Variants in PCDHGA4 observed in about 807,000 individuals in gnomAD.
PCDHGA4 encodes the protein protocadherin gamma-A4.
Under a neutral mutation model 54.6 loss-of-function variants are expected in PCDHGA4, and 38 were observed. The observed-to-expected ratio is 0.70, with a 90% CI of 0.54 to 0.91. The LOEUF is 0.91. PCDHGA4 is among the 40% of genes least tolerant of loss of function. The pLI is 0.00. For missense variants in PCDHGA4, 1,298 were observed against 1,220.9 expected, an observed-to-expected ratio of 1.06 and a Z score of -0.94; for synonymous variants, 511 against 512.9, an observed-to-expected ratio of 1.00 and a Z score of 0.05.
intron 1 of PCDHGA4, among the ~76,000 whole-genome samples, chr5:141,494,135 GTCAC>G (rs1365926534): frequency 3.3e-5 from 5 of 152,202 alleles, no homozygotes; most frequent in Admixed American, 6.5e-5. Flanking sequence ...CTTCTCCTTA[GTCAC>G]AGACCATTGT....
intron 1 of PCDHGA4, chr5:141,388,656 G>C (rs747453786): frequency 2.5e-5 from 40 of 1,613,886 alleles, no homozygotes; most frequent in Non-Finnish European, 3.4e-5. Context: ...CGTGTACCCG[G>C]GGACCACGGT....
chr5:141,445,034 A>T (rs963629240), intron 1 of PCDHGA4, among the ~76,000 whole-genome samples: 4 of 152,156 alleles, frequency 2.6e-5, no homozygotes, highest in Admixed American at 2.0e-4. Context: ...GCTATGTTGT[A>T]TAGTTTTCAG....
At chr5:141,507,842 C>CT (rs2099864170) in intron 3 of PCDHGA4, among the ~76,000 whole-genome samples, 1 of 152,230 alleles carries the variant, frequency 6.6e-6, no homozygotes, top group Admixed American at 6.5e-5. Flanking sequence ...GGGTCAGGCC[C>CT]TGCTCTCACT....
intron 2 of PCDHGA4, among the ~76,000 whole-genome samples, chr5:141,498,404 C>T (rs1283586713): frequency 6.6e-6 from 1 of 152,104 alleles, no homozygotes; most frequent in African/African-American, 2.4e-5. Context: ...AGGGAGTTTT[C>T]TCTTTGCTGG....
Position 141,365,610 on chromosome 5 carries a change from A to G in PCDHGA4, c.2514+7989A>G, listed in dbSNP as rs1764018673. 6.8e-6 allele frequency: 11 copies of G among 1,613,570 alleles called. No homozygotes were observed. Among genetic ancestry groups the G allele is most frequent in the African/African-American group, 1.3e-5 (1 of 74,926 alleles). ...AATATCACTTTAACCGTCATGGACC[A>G]TGGAACCCCGCCCCTCTCTACAGAA... On this transcript the variant is annotated intron_variant, in intron 1 of 3. Transcript: ENST00000571252.
At position 141,485,301 on chromosome 5, in the gene PCDHGA4, C is replaced by T; in HGVS notation, c.2515-9506C>T. 1 of 1,614,124 alleles carries T rather than the reference C, an allele frequency of 6.2e-7. No homozygotes were observed. The highest frequency in any genetic ancestry group is 1.1e-5 in the South Asian group (1 of 91,082). The stretch of plus-strand genomic sequence containing the variant: ...GTCCCAGAGGAGTCACAGGAAGGGA[C>T]TTTTGTAGGGAATGTCGCTCAAGAT... On this transcript the variant is annotated intron_variant, in intron 1 of 3. Coordinates refer to ENST00000571252, the MANE Select transcript of PCDHGA4 (RefSeq NM_018917.4). This position sits in a 1 kb window ranked among gnomAD's most constrained non-coding sequence, Gnocchi z 5.7.
Position 141,390,510 on chromosome 5 carries a change from TAA to T in PCDHGA4, c.2514+32891_2514+32892del. The T allele has an allele frequency of 5.1e-6, 3 of 587,534 alleles. No homozygotes were observed. The South Asian group carries it at 6.4e-5, about 13-fold the overall frequency. 36.4% of individuals were successfully genotyped at this position (587,534 alleles called of 1,614,324 possible). A position where few individuals can be genotyped will look rare whatever the true frequency, so the allele number is the denominator to read the frequency against. The stretch of plus-strand genomic sequence containing the variant: ...TGTTTTTTAGCCAAGCTTAGATTTA[TAA>T]AGCAATGAGGGTGTGGTTTTAACCA... On this transcript the variant is annotated intron_variant, in intron 1 of 3. Transcript: ENST00000571252.
At chr5:141,441,862 G>A (rs2098280399) in intron 1 of PCDHGA4, 3 of 342,456 alleles carry the variant, frequency 8.8e-6, no homozygotes, top group Non-Finnish European at 1.1e-5. Context: ...GCTGCACGCC[G>A]CGGAGCCTGG....
chr5:141,492,425 C>T (rs1243599547), intron 1 of PCDHGA4, among the ~76,000 whole-genome samples: 1 of 152,254 alleles, frequency 6.6e-6, no homozygotes, highest in Non-Finnish European at 1.5e-5. Flanking sequence ...CTCCGCCGGG[C>T]TCAGGAGTAC....
chr5:141,474,721 A>T (rs942537231), intron 1 of PCDHGA4, among the ~76,000 whole-genome samples: 10 of 152,214 alleles, frequency 6.6e-5, no homozygotes, highest in African/African-American at 1.7e-4. Flanking sequence ...CTTCAAAAGG[A>T]CTCTATGCAA....
chr5:141,408,670 T>G, intron 1 of PCDHGA4: 1 of 1,614,008 alleles, frequency 6.2e-7, no homozygotes, highest in Non-Finnish European at 8.5e-7. Context: ...CGCTTGACCC[T>G]GCCACGGATC....
chr5:141,409,130 G>T (rs1265386524), intron 1 of PCDHGA4: 1 of 1,613,994 alleles, frequency 6.2e-7, no homozygotes, highest in Admixed American at 1.7e-5. Context: ...ATTTGATTTT[G>T]AAGATGTAGA....
chr5:141,405,621 C>T lies in PCDHGA4; in HGVS notation c.2514+48000C>T, dbSNP rs2094693815. 9.2e-6 allele frequency: 5 copies of T among 543,194 alleles called. No individual in the cohort carries two copies. In the South Asian group the frequency reaches 1.0e-4, roughly 11 times the overall value. 33.6% of individuals were successfully genotyped at this position (543,194 alleles called of 1,614,324 possible). ...AGTAGAATAACTGGGACTACAGGCA[C>T]GTGCCACCACGCCCGGCTAATTTTT... On this transcript the variant is annotated intron_variant, in intron 1 of 3. Coordinates refer to ENST00000571252, the MANE Select transcript of PCDHGA4 (RefSeq NM_018917.4).
intron 1 of PCDHGA4, chr5:141,407,890 A>C (rs2094997846): frequency 2.5e-6 from 1 of 395,960 alleles, no homozygotes. Flanking sequence ...TCGGAGACCG[A>C]ATTCAAAATG....
rs769679454 is a variant in PCDHGA4 at position 141,374,960 on chromosome 5, T to C, written c.2514+17339T>C. 15 of 1,614,060 alleles carry C rather than the reference T, an allele frequency of 9.3e-6. No homozygotes were observed. In the East Asian group the frequency reaches 1.6e-4, roughly 17 times the overall value. On this transcript the variant is annotated intron_variant, in intron 1 of 3. Coordinates refer to ENST00000571252, the MANE Select transcript of PCDHGA4 (RefSeq NM_018917.4). ...TACAGAAAAGATCTCACAAATTTTC[T>C]GTTTGAATGTTTTGACTGGAGAAAT...
chr5:141,431,609 G>A lies in PCDHGA4; in HGVS notation c.2515-63198G>A. The A allele has an allele frequency of 6.2e-7, 1 of 1,614,232 alleles. No homozygotes were observed. The highest frequency in any genetic ancestry group is 8.5e-7 in the Non-Finnish European group (1 of 1,180,046). On this transcript the variant is annotated intron_variant, in intron 1 of 3. Coordinates refer to ENST00000571252, the MANE Select transcript of PCDHGA4 (RefSeq NM_018917.4). The surrounding 1 kb of genome is among the most constrained non-coding windows in gnomAD (Gnocchi z 4.8). ...GGAAGTGAGGTATTCCTTCCGGTAT[G>A]TGGACGACAAGGCGGCCCAAGTTTT...
intron 3 of PCDHGA4, among the ~76,000 whole-genome samples, chr5:141,507,898 C>T (rs577177417): frequency 1.3e-5 from 2 of 152,310 alleles, no homozygotes; most frequent in East Asian, 1.9e-4. Flanking sequence ...TTCCTGAAGT[C>T]CAGCCCAGCC....
chr5:141,369,352 G>A (rs1265381304), intron 1 of PCDHGA4, among the ~76,000 whole-genome samples: 1 of 152,116 alleles, frequency 6.6e-6, no homozygotes, highest in East Asian at 1.9e-4. Flanking sequence ...TTGTGATGTA[G>A]TATGAAAAAA....
intron 1 of PCDHGA4, chr5:141,417,867 G>C (rs1182017096): frequency 1.9e-6 from 3 of 1,552,610 alleles, no homozygotes; most frequent in African/African-American, 2.7e-5. Flanking sequence ...ACGATGGGAG[G>C]GAGCTGCGCG....
Sources: allele counts gnomAD v4.1 joint callset (sites outside exome capture counted in the v4.1 genomes callset), GRCh38; gene constraint gnomAD v4.1.1; non-coding constraint Gnocchi (gnomAD v3.1); transcripts MANE v1.5; gene names NCBI Gene and HGNC (gene_info 2026-07-23, HGNC 2026-07-21).